Variants in TMEM266 observed in about 807,000 individuals in gnomAD.
TMEM266 encodes transmembrane protein 266, also known as Hv1 related protein 1.
TMEM266 carries 33 observed loss-of-function variants against 50.5 expected under a neutral mutation model. The ratio of observed to expected loss-of-function variants is 0.65; its 90% confidence interval spans 0.50 to 0.87. TMEM266 has a LOEUF of 0.87. TMEM266 is among the 40% of genes least tolerant of loss of function. The pLI is 0.00. For synonymous variants in TMEM266, 310 were observed against 292.3 expected (o/e 1.06, Z -0.62); for missense variants, 655 against 695.1 (o/e 0.94, Z 0.65).
At chr15:76,202,497 A>G (rs527467380) in intron 10 of TMEM266, among the ~76,000 whole-genome samples, 3 of 152,176 alleles carry the variant, frequency 2.0e-5, no homozygotes, top group Non-Finnish European at 4.4e-5. Flanking sequence ...GTGCTCTGTG[A>G]TCACCCATAA....
intron 3 of TMEM266, among the ~76,000 whole-genome samples, chr15:76,154,593 A>G (rs1206202525): frequency 6.6e-6 from 1 of 152,004 alleles, no homozygotes; most frequent in Non-Finnish European, 1.5e-5. Flanking sequence ...TGCGGGGTTC[A>G]CATCGACCAT....
chr15:76,154,133 G>A (rs1469777390), intron 3 of TMEM266, among the ~76,000 whole-genome samples: 1 of 152,228 alleles, frequency 6.6e-6, no homozygotes, highest in Non-Finnish European at 1.5e-5. Flanking sequence ...GTTTAGGGCT[G>A]CCAACTTTAC....
Position 76,147,036 on chromosome 15 carries a change from G to A in TMEM266, c.227+9141G>A, listed in dbSNP as rs116175825. The stretch of plus-strand genomic sequence containing the variant: ...AGTGAGTGAATGGGTGGGGCTGCAT[G>A]CAAATAAGGATTAGAAGAGAAGGGG... On this transcript the variant is annotated intron_variant, in intron 3 of 10. Coordinates refer to ENST00000388942, the MANE Select transcript of TMEM266 (RefSeq NM_152335.3). 2.9e-3 allele frequency among the ~76,000 whole-genome samples: 444 copies of A among 152,312 alleles called. 1 individual carries two copies. The highest frequency in any genetic ancestry group is 0.01 in the African/African-American group (423 of 41,580).
At chr15:76,171,312 G>A (rs2038185414) in intron 7 of TMEM266, among the ~76,000 whole-genome samples, 181 bp downstream of exon 7, 1 of 152,208 alleles carries the variant, frequency 6.6e-6, no homozygotes, top group Non-Finnish European at 1.5e-5. Flanking sequence ...CATGCACACT[G>A]CCAGGGTGTC....
chr15:76,168,255 C>G lies in TMEM266; in HGVS notation c.457-1561C>G, dbSNP rs2038128847. The stretch of plus-strand genomic sequence containing the variant: ...GGAGCGGACTTCGGGCTGCCACATG[C>G]TCCTCTCTCTACTCAGAGAAGGCAA... On this transcript the variant is annotated intron_variant, in intron 5 of 10. Coordinates refer to ENST00000388942, the MANE Select transcript of TMEM266 (RefSeq NM_152335.3). The surrounding 1 kb of genome is among the most constrained non-coding windows in gnomAD (Gnocchi z 4.4). 6.6e-6 allele frequency among the ~76,000 whole-genome samples: 1 copy of G among 152,250 alleles called. No individual in the cohort carries two copies. Among genetic ancestry groups the G allele is most frequent in the South Asian group, 2.1e-4 (1 of 4,834 alleles).
At chr15:76,120,938 T>G (rs908507454) in intron 1 of TMEM266, among the ~76,000 whole-genome samples, 1 of 152,052 alleles carries the variant, frequency 6.6e-6, no homozygotes, top group Non-Finnish European at 1.5e-5. Context: ...TCAATTTATA[T>G]AAAGCTGTAT....
chr15:76,069,233 A>G (rs1262723430), intron 1 of TMEM266, among the ~76,000 whole-genome samples: 1 of 152,198 alleles, frequency 6.6e-6, no homozygotes, highest in East Asian at 1.9e-4. Context: ...TCAAGTAGGT[A>G]GCTCTGTGAG....
chr15:76,158,264 G>C (rs1014318288), intron 4 of TMEM266, among the ~76,000 whole-genome samples: 1 of 152,204 alleles, frequency 6.6e-6, no homozygotes, highest in Non-Finnish European at 1.5e-5. Context: ...GCTTTTGTCT[G>C]ATAAGCCTAG....
chr15:76,143,153 G>A (rs909759872), intron 3 of TMEM266, among the ~76,000 whole-genome samples: 9 of 151,866 alleles, frequency 5.9e-5, no homozygotes, highest in East Asian at 1.9e-4. Context: ...TTCCCCTCCC[G>A]CCTTCTCAGG....
chr15:76,204,927 A>G lies in TMEM266; in HGVS notation c.*612A>G, dbSNP rs1165641770. The stretch of plus-strand genomic sequence containing the variant: ...AGGGCAGGGGAACAACCATTTTCCA[A>G]CCTTGGCTTTAATAATAAAAACCAG... On this transcript the variant is annotated 3_prime_UTR_variant, in exon 11 of 11. Transcript: ENST00000388942. 6.5e-6 allele frequency: 1 copy of G among 152,700 alleles called. No homozygotes were observed. The highest frequency in any genetic ancestry group is 1.5e-5 in the Non-Finnish European group (1 of 68,092). The allele number at this position is 152,700 out of a possible 1,614,324, so 9.5% of individuals were successfully genotyped here.
intron 1 of TMEM266, among the ~76,000 whole-genome samples, chr15:76,118,053 GA>G (rs982827589): frequency 4.6e-5 from 7 of 152,236 alleles, no homozygotes; most frequent in Admixed American, 1.3e-4. Context: ...GCTCTTTTAT[GA>G]CCCTTGCCAC....
intron 1 of TMEM266, among the ~76,000 whole-genome samples, chr15:76,132,254 G>A (rs912994795): frequency 3.3e-5 from 5 of 151,712 alleles, no homozygotes; most frequent in Admixed American, 1.3e-4. Flanking sequence ...GACTACAGGC[G>A]TCTGCCCCCA....
At chr15:76,128,882 C>T (rs750671109) in intron 1 of TMEM266, among the ~76,000 whole-genome samples, 6 of 152,180 alleles carry the variant, frequency 3.9e-5, no homozygotes, top group Non-Finnish European at 5.9e-5. Context: ...TCTGCTCCTC[C>T]GCTCAACCCA....
intron 1 of TMEM266, among the ~76,000 whole-genome samples, chr15:76,123,902 G>A (rs2955769): frequency 0.048 from 7,378 of 152,152 alleles, 570 homozygotes; most frequent in African/African-American, 0.16. Context: ...TAGTAGAGAC[G>A]GGGTTTCGCC....
intron 4 of TMEM266, among the ~76,000 whole-genome samples, chr15:76,157,557 C>T (rs1333190754): frequency 6.6e-6 from 1 of 152,192 alleles, no homozygotes; most frequent in East Asian, 1.9e-4. Flanking sequence ...CCAGGCCTAC[C>T]CCCCACTGTT....
chr15:76,174,748 C>T, intron 7 of TMEM266: 1 of 152,274 alleles, frequency 6.6e-6, no homozygotes, highest in East Asian at 1.9e-4. Flanking sequence ...TGTTCCATTA[C>T]ATTTCATATA....
At chr15:76,131,582 A>G (rs1181369849) in intron 1 of TMEM266, among the ~76,000 whole-genome samples, 1 of 152,252 alleles carries the variant, frequency 6.6e-6, no homozygotes, top group Non-Finnish European at 1.5e-5. Context: ...AAAGATTGAT[A>G]CTGATTAAAT....
At chr15:76,131,791 A>G (rs909142520) in intron 1 of TMEM266, among the ~76,000 whole-genome samples, 1 of 152,078 alleles carries the variant, frequency 6.6e-6, no homozygotes, top group Non-Finnish European at 1.5e-5. Flanking sequence ...CCTTGCTTCT[A>G]TTGCCCCACA....
chr15:76,157,998 G>GTAAATAAATAAA (rs71444968), intron 4 of TMEM266, among the ~76,000 whole-genome samples: 11 of 150,512 alleles, frequency 7.3e-5, no homozygotes, highest in South Asian at 2.1e-4. Flanking sequence ...AAATAAATAA[G>GTAAATAAATAAA]TAAATAAATA....
Sources: gnomAD v4.1 joint callset for allele counts (sites outside exome capture counted in the v4.1 genomes callset) on GRCh38, gnomAD v4.1.1 for gene constraint, Gnocchi (gnomAD v3.1) non-coding constraint, MANE v1.5 for transcripts, NCBI Gene and HGNC (gene_info 2026-07-23, HGNC 2026-07-21) for gene names.